Variants in CDH13 observed in about 807,000 individuals in gnomAD.
CDH13 encodes cadherin 13.
A neutral mutation model predicts 63.8 loss-of-function variants in CDH13; 24 were observed. The observed-to-expected ratio is 0.38, with a 90% confidence interval of 0.27 to 0.53. The LOEUF is 0.53. CDH13 is among the 20% of genes least tolerant of loss of function. CDH13 has a pLI of 0.85. For missense variants in CDH13, 1,049 were observed against 903.1 expected (o/e 1.16, Z -2.07); for synonymous variants, 503 against 355.3 (o/e 1.42, Z -4.67).
At chr16:82,849,667 C>T (rs1260753268) in intron 1 of CDH13, among the ~76,000 whole-genome samples, 1 of 152,138 alleles carries the variant, frequency 6.6e-6, no homozygotes, top group African/African-American at 2.4e-5. Flanking sequence ...ATGAAGATCC[C>T]ATCTAGGACT....
At chr16:83,514,959 C>G (rs778264270) in intron 7 of CDH13, among the ~76,000 whole-genome samples, 4 of 152,112 alleles carry the variant, frequency 2.6e-5, no homozygotes, top group Admixed American at 2.6e-4. Flanking sequence ...CACTGAGATG[C>G]CCCTGTTTCT....
At chr16:83,761,733 G>C (rs1377913846) in intron 11 of CDH13, among the ~76,000 whole-genome samples, 3 of 152,190 alleles carry the variant, frequency 2.0e-5, no homozygotes, top group African/African-American at 7.2e-5. Flanking sequence ...TAAGAAGGCA[G>C]CTTTAGGCTA....
intron 5 of CDH13, among the ~76,000 whole-genome samples, chr16:83,340,535 C>A (rs2090698323): frequency 6.6e-6 from 1 of 152,160 alleles, no homozygotes. Flanking sequence ...CCTTGGATTT[C>A]CATCTCCAAC....
At chr16:83,491,353 C>T (rs543493266) in intron 7 of CDH13, among the ~76,000 whole-genome samples, 23 of 152,224 alleles carry the variant, frequency 1.5e-4, no homozygotes, top group African/African-American at 5.3e-4. Context: ...TTTCTATAGC[C>T]ATACTTAGCC....
At position 82,654,123 on chromosome 16, in the gene CDH13, A is replaced by T. The variant is rs57989591; in HGVS notation, c.45+26986A>T. On this transcript the variant is annotated intron_variant, in intron 1 of 13. Coordinates refer to ENST00000567109, the MANE Select transcript of CDH13 (RefSeq NM_001257.5). ...TTGCAAAAACATCTATTTCCGGCCT[A>T]CACTGCACCAGCCAGTGGGGGAGGT... is the stretch of plus-strand genomic sequence containing the variant. Among the ~76,000 whole-genome samples the T allele has an allele frequency of 3.1e-3, 469 of 152,238 alleles. 3 individuals carry two copies. The highest frequency in any genetic ancestry group is 0.011 in the African/African-American group (448 of 41,548).
At chr16:83,417,221 A>G (rs770347947) in intron 6 of CDH13, among the ~76,000 whole-genome samples, 5 of 152,182 alleles carry the variant, frequency 3.3e-5, no homozygotes, top group African/African-American at 4.8e-5. Flanking sequence ...TCAGATCCAC[A>G]CTTTTGACCT....
intron 2 of CDH13, among the ~76,000 whole-genome samples, chr16:82,995,542 C>G (rs1376331362): frequency 6.6e-6 from 1 of 152,204 alleles, no homozygotes; most frequent in East Asian, 1.9e-4. Flanking sequence ...CCAATACCAT[C>G]AAGCCACCAT....
At chr16:83,167,778 G>A (rs541317938) in intron 4 of CDH13, among the ~76,000 whole-genome samples, 2 of 151,350 alleles carry the variant, frequency 1.3e-5, no homozygotes, top group South Asian at 2.1e-4. Flanking sequence ...AGACATAATA[G>A]CAAAGGCATA....
intron 10 of CDH13, among the ~76,000 whole-genome samples, chr16:83,723,723 A>G (rs3784962): frequency 0.41 from 62,521 of 152,090 alleles, 13,114 homozygotes; most frequent in South Asian, 0.45. Flanking sequence ...TTCCTCTTGT[A>G]GAACAGAAGC....
At chr16:82,891,139 G>C (rs2041067313) in intron 2 of CDH13, among the ~76,000 whole-genome samples, 1 of 151,042 alleles carries the variant, frequency 6.6e-6, no homozygotes, top group Non-Finnish European at 1.5e-5. Context: ...CTCTGTATCA[G>C]CATTATGTAG....
intron 10 of CDH13, among the ~76,000 whole-genome samples, chr16:83,696,484 A>T (rs1905425747): frequency 1.3e-5 from 2 of 152,136 alleles, no homozygotes; most frequent in Non-Finnish European, 1.5e-5. Context: ...CCCACACTGG[A>T]TCCACCTGGA....
chr16:83,396,527 C>T (rs1203905715), intron 6 of CDH13: 1 of 152,062 alleles, frequency 6.6e-6, no homozygotes, highest in Non-Finnish European at 1.5e-5. Context: ...TCATAATGAC[C>T]TTATTTTGAA....
intron 1 of CDH13, among the ~76,000 whole-genome samples, chr16:82,658,142 T>C (rs1911513535): frequency 1.3e-5 from 2 of 152,210 alleles, no homozygotes; most frequent in South Asian, 4.1e-4. Flanking sequence ...AAGTGCTTTT[T>C]CTGCATCTAT....
chr16:82,714,043 C>T (rs893003042), intron 1 of CDH13, among the ~76,000 whole-genome samples: 2 of 152,118 alleles, frequency 1.3e-5, no homozygotes, highest in Non-Finnish European at 2.9e-5. Context: ...AGGTGATTCA[C>T]CTGTCTCGGC....
intron 4 of CDH13, among the ~76,000 whole-genome samples, chr16:83,161,010 G>A (rs951878841): frequency 2.0e-5 from 3 of 152,182 alleles, no homozygotes; most frequent in Non-Finnish European, 4.4e-5. Flanking sequence ...CGCTGCCATT[G>A]CTATGAAAAT....
intron 2 of CDH13, among the ~76,000 whole-genome samples, chr16:83,025,735 G>A (rs1215307616): frequency 2.6e-5 from 4 of 152,076 alleles, no homozygotes; most frequent in South Asian, 2.1e-4. Context: ...CTTGGGGCAC[G>A]GAAATAACAG....
At chr16:82,961,665 A>G (rs571326313) in intron 2 of CDH13, among the ~76,000 whole-genome samples, 1 of 151,414 alleles carries the variant, frequency 6.6e-6, no homozygotes, top group African/African-American at 2.4e-5. Flanking sequence ...TGCTCTCAGT[A>G]TTTTTCAAAG....
chr16:83,224,426 C>A (rs1233992551), intron 5 of CDH13, among the ~76,000 whole-genome samples: 1 of 152,210 alleles, frequency 6.6e-6, no homozygotes, highest in African/African-American at 2.4e-5. Flanking sequence ...CAGTGAGAAG[C>A]TTAGTTGCCC....
chr16:83,277,080 G>A (rs2089014069), intron 5 of CDH13, among the ~76,000 whole-genome samples: 1 of 152,024 alleles, frequency 6.6e-6, no homozygotes, highest in Non-Finnish European at 1.5e-5. Flanking sequence ...AATTTGGGTG[G>A]CAACACAGCC....
Sources: gnomAD v4.1 joint callset for allele counts (sites outside exome capture counted in the v4.1 genomes callset) on GRCh38, gnomAD v4.1.1 for gene constraint, MANE v1.5 for transcripts, NCBI Gene and HGNC (gene_info 2026-07-23, HGNC 2026-07-21) for gene names.